Variants in ACACA observed in about 807,000 individuals in gnomAD.
ACACA encodes acetyl-CoA carboxylase 1.
ACACA carries 103 observed loss-of-function variants against 296.1 expected under a neutral mutation model. The observed-to-expected ratio is 0.35, with a 90% CI of 0.30 to 0.41. The LOEUF is 0.41. ACACA is among the 10% of genes least tolerant of loss of function. ACACA has a pLI of 1.00. For missense variants in ACACA, 1,554 were observed against 2,989.7 expected (o/e 0.52, Z 11.20); for synonymous variants, 953 against 1,038.6 (o/e 0.92, Z 1.58).
chr17:37,335,923 A>T (rs932252846), intron 2 of ACACA, among the ~76,000 whole-genome samples: 5 of 152,028 alleles, frequency 3.3e-5, no homozygotes, highest in African/African-American at 1.2e-4. Context: ...CGAGAAAGTT[A>T]AAGAAATTCA....
intron 35 of ACACA, among the ~76,000 whole-genome samples, chr17:37,198,705 C>T (rs2078114522): frequency 6.6e-6 from 1 of 152,218 alleles, no homozygotes; most frequent in African/African-American, 2.4e-5. Context: ...CAGTCCACAA[C>T]ATTTCCTAAA....
At chr17:37,376,077 A>G in intron 1 of ACACA, 1 of 1,607,800 alleles carries the variant, frequency 6.2e-7, no homozygotes, top group Non-Finnish European at 8.5e-7. Context: ...TGCAATGAGC[A>G]TGTGCTCAAG....
At chr17:37,235,415 G>T (rs1286895954) in intron 24 of ACACA, among the ~76,000 whole-genome samples, 1 of 152,020 alleles carries the variant, frequency 6.6e-6, no homozygotes, top group Non-Finnish European at 1.5e-5. Context: ...GGGGAGGTGG[G>T]TGTACCTTAA....
intron 2 of ACACA, among the ~76,000 whole-genome samples, chr17:37,336,499 A>G (rs1344144174): frequency 6.6e-6 from 1 of 152,168 alleles, no homozygotes; most frequent in South Asian, 2.1e-4. Context: ...GCTCACTAAA[A>G]TGCTAATTAG....
At chr17:37,383,253 A>G (rs756243947) in intron 1 of ACACA, among the ~76,000 whole-genome samples, 2 of 152,168 alleles carry the variant, frequency 1.3e-5, no homozygotes, top group Non-Finnish European at 2.9e-5. Flanking sequence ...GCAATTAAGG[A>G]CATTAGCTCT....
intron 52 of ACACA, among the ~76,000 whole-genome samples, chr17:37,111,056 A>G (rs1455049782): frequency 6.6e-6 from 1 of 152,142 alleles, no homozygotes; most frequent in African/African-American, 2.4e-5. Flanking sequence ...ACTGTTTGGA[A>G]GCACACAGTG....
chr17:37,343,314 C>T (rs1019324275), intron 1 of ACACA, among the ~76,000 whole-genome samples: 36 of 152,008 alleles, frequency 2.4e-4, no homozygotes. Context: ...ACAGATTTTA[C>T]CAAATTTAGT....
intron 3 of ACACA, among the ~76,000 whole-genome samples, chr17:37,317,648 C>A (rs954044636): frequency 2.0e-5 from 3 of 152,098 alleles, no homozygotes; most frequent in Admixed American, 1.3e-4. Context: ...GTAGTAAATG[C>A]AAACTTCATT....
At chr17:37,102,199 C>CTTTTT (rs35050543) in intron 52 of ACACA, among the ~76,000 whole-genome samples, 18 of 106,088 alleles carry the variant, frequency 1.7e-4, no homozygotes, top group East Asian at 3.0e-4. Flanking sequence ...GCATCCAGCT[C>CTTTTT]TTTTTTTTTT....
In ACACA at chr17:37,265,828, G is replaced by A. The variant is rs185363623; in HGVS notation, c.1120-1934C>T. 5.5e-4 allele frequency among the ~76,000 whole-genome samples: 84 copies of A among 152,228 alleles called. 1 individual carries two copies. Among genetic ancestry groups the A allele is most frequent in the Admixed American group, 9.8e-4 (15 of 15,290 alleles). On this transcript the variant is annotated intron_variant, in intron 10 of 55. Coordinates refer to ENST00000616317, the MANE Select transcript of ACACA (RefSeq NM_198834.3). ...CTCTGGGCTCCTGACTCCACTCTCTGAGAAATCCCTCTTTTTATTTGAAAT... is the reference window on the plus strand; with the variant it reads ...CTCTGGGCTCCTGACTCCACTCTCTAAGAAATCCCTCTTTTTATTTGAAAT...
chr17:37,112,084 A>AT (rs2074005483), intron 51 of ACACA, among the ~76,000 whole-genome samples: 1 of 149,540 alleles, frequency 6.7e-6, no homozygotes, highest in African/African-American at 2.5e-5. Flanking sequence ...CTATCTATCT[A>AT]CCTCACCTAT....
At chr17:37,394,712 TA>T (rs35982452) in intron 1 of ACACA, among the ~76,000 whole-genome samples, 182 of 129,792 alleles carry the variant, frequency 1.4e-3, no homozygotes, top group Non-Finnish European at 2.0e-3. Flanking sequence ...CTATCTCTAC[TA>T]AAAAAAAAAA....
Position 37,097,670 on chromosome 17 carries a change from AG to A in ACACA, c.6720+159del, listed in dbSNP as rs2073074472. On this transcript the variant is annotated intron_variant, in intron 53 of 55. Transcript: ENST00000616317. The surrounding 1 kb of genome is among the most constrained non-coding windows in gnomAD (Gnocchi z 4.8). ...ATTGTTTTAAGATGATAACAGTTACAGAAACAGTGAAAATCTAAAAAATATT... is the reference window on the plus strand; with the variant it reads ...ATTGTTTTAAGATGATAACAGTTACAAAACAGTGAAAATCTAAAAAATATT... Among the ~76,000 whole-genome samples, 1 of 152,248 alleles carries A rather than the reference AG, an allele frequency of 6.6e-6. No homozygotes were observed. The highest frequency in any genetic ancestry group is 1.5e-5 in the Non-Finnish European group (1 of 68,044).
intron 30 of ACACA, 126 bp from the exon 31 acceptor site, chr17:37,207,926 T>C: frequency 9.2e-7 from 1 of 1,089,268 alleles, no homozygotes; most frequent in Non-Finnish European, 1.4e-6. Context: ...GCAGATTTGG[T>C]TTTTTTACCC....
At chr17:37,158,199 T>C (rs1478652401) in intron 42 of ACACA, among the ~76,000 whole-genome samples, 2 of 152,114 alleles carry the variant, frequency 1.3e-5, no homozygotes, top group African/African-American at 2.4e-5. Flanking sequence ...TAAAGGAAGA[T>C]TAGAAGCTAC....
intron 29 of ACACA, among the ~76,000 whole-genome samples, chr17:37,221,093 TAAAAC>T (rs1567836721): frequency 6.6e-6 from 1 of 151,888 alleles, no homozygotes; most frequent in Non-Finnish European, 1.5e-5. Context: ...ATTTTCATTT[TAAAAC>T]AAAAGCAATT....
At chr17:37,186,325 C>A (rs1360344660) in intron 39 of ACACA, among the ~76,000 whole-genome samples, 1 of 151,958 alleles carries the variant, frequency 6.6e-6, no homozygotes, top group Admixed American at 6.6e-5. Context: ...ACATATTTGC[C>A]ACAGAGAAAC....
intron 45 of ACACA, among the ~76,000 whole-genome samples, chr17:37,148,294 C>T (rs944861655): frequency 7.3e-5 from 11 of 151,556 alleles, no homozygotes; most frequent in Admixed American, 7.2e-4. Flanking sequence ...TAATAATCTT[C>T]AGTAGTAGTG....
In ACACA at chr17:37,379,155, A is replaced by G. The variant is rs745945257; in HGVS notation, c.38+27107T>C. ...CTTCCAGAAACTCACACAGAAACCA[A>G]AAGGACAACATTCATTCAAAACCGG... On this transcript the variant is annotated intron_variant, in intron 1 of 55. Coordinates refer to ENST00000616317, the MANE Select transcript of ACACA (RefSeq NM_198834.3). 2.5e-6 allele frequency: 4 copies of G among 1,613,376 alleles called. No individual in the cohort carries two copies. The East Asian group carries it at 6.7e-5, about 27-fold the overall frequency.
Sources: gnomAD v4.1 joint callset for allele counts (sites outside exome capture counted in the v4.1 genomes callset) on GRCh38, gnomAD v4.1.1 for gene constraint, Gnocchi (gnomAD v3.1) non-coding constraint, MANE v1.5 for transcripts, NCBI Gene and HGNC (gene_info 2026-07-23, HGNC 2026-07-21) for gene names.